Variants in KIAA0930 observed in about 807,000 individuals in gnomAD.
KIAA0930 encodes the protein uncharacterized protein KIAA0930.
Under a neutral mutation model 43.9 loss-of-function variants are expected in KIAA0930, and 24 were observed. The observed-to-expected ratio is 0.55, with a 90% CI of 0.40 to 0.77. The LOEUF is 0.77. Ranked by LOEUF, KIAA0930 falls within the 30% of genes least tolerant of loss-of-function variation. KIAA0930 has a pLI of 0.00. For missense variants in KIAA0930, 461 were observed against 574.2 expected (o/e 0.80, Z 2.02); for synonymous variants, 259 against 216.4 (o/e 1.20, Z -1.73).
At chr22:45,224,941 G>C (rs777370482) in intron 1 of KIAA0930, among the ~76,000 whole-genome samples, 9 of 152,040 alleles carry the variant, frequency 5.9e-5, no homozygotes, top group Admixed American at 1.3e-4. Context: ...CTGAGAAGGC[G>C]TCTGCCGTGG....
At chr22:45,209,515 A>G (rs2083673480) in intron 2 of KIAA0930, among the ~76,000 whole-genome samples, 1 of 151,932 alleles carries the variant, frequency 6.6e-6, no homozygotes, top group Non-Finnish European at 1.5e-5. Flanking sequence ...CCCACTCTGC[A>G]CTCACTGGTC....
At chr22:45,199,627 C>G (rs2083568800) in intron 8 of KIAA0930, among the ~76,000 whole-genome samples, 1 of 152,228 alleles carries the variant, frequency 6.6e-6, no homozygotes, top group African/African-American at 2.4e-5. Context: ...TGCTGCACAT[C>G]TGCGCTCCAA....
intron 1 of KIAA0930, among the ~76,000 whole-genome samples, chr22:45,233,889 C>T (rs2083869819): frequency 6.6e-6 from 1 of 152,228 alleles, no homozygotes; most frequent in Non-Finnish European, 1.5e-5. Context: ...TAGCCCAGCA[C>T]CGCATGCAGG....
At position 45,234,969 on chromosome 22, in the gene KIAA0930, T is replaced by C. The variant is rs374353726; in HGVS notation, c.64+5671A>G. ...ATTGGAACTAGGCATAATTGTTTCC[T>C]ATTTTCTAGTTTCCGTAATGTGCAT... On this transcript the variant is annotated intron_variant, in intron 1 of 9. Transcript: ENST00000336156. Among the ~76,000 whole-genome samples, 5 of 151,776 alleles carry C rather than the reference T, an allele frequency of 3.3e-5. No homozygotes were observed. The East Asian group carries it at 5.8e-4, about 18-fold the overall frequency.
At chr22:45,237,649 T>C (rs116872403) in intron 1 of KIAA0930, among the ~76,000 whole-genome samples, 1,873 of 152,310 alleles carry the variant, frequency 0.012, 51 homozygotes, top group South Asian at 0.082. Context: ...ACCCAAGCTT[T>C]TGCTAAACAA....
At chr22:45,198,034 G>A (rs1229079524) in intron 8 of KIAA0930, 86 bp from the exon 9 acceptor site, 1 of 1,384,166 alleles carries the variant, frequency 7.2e-7, no homozygotes, top group Non-Finnish European at 1.0e-6. Context: ...CCAGGCTGAG[G>A]CCAAACTCTG....
chr22:45,212,588 C>T, intron 1 of KIAA0930: 6 of 1,371,776 alleles, frequency 4.4e-6, no homozygotes, highest in Non-Finnish European at 5.6e-6. Flanking sequence ...GACAGCCGCC[C>T]TCCAGCCAGC....
In KIAA0930 at chr22:45,203,998, AC is replaced by A. The variant is rs1192442954; in HGVS notation, c.517-14del. ...TGTCGCTGAACACCTGGGCCAGGACACAAAGAGACAGGGACGTGACCATCAG... is the reference window on the plus strand; with the variant it reads ...TGTCGCTGAACACCTGGGCCAGGACAAAAGAGACAGGGACGTGACCATCAG... On this transcript the variant is annotated splice_polypyrimidine_tract_variant and intron_variant, in intron 5 of 9. Transcript: ENST00000336156. 1 of 1,613,618 alleles carries A rather than the reference AC, an allele frequency of 6.2e-7. No individual in the cohort carries two copies. Among genetic ancestry groups the A allele is most frequent in the Non-Finnish European group, 8.5e-7 (1 of 1,179,738 alleles).
intron 1 of KIAA0930, among the ~76,000 whole-genome samples, chr22:45,228,262 C>A (rs1227479739): frequency 6.6e-6 from 1 of 152,172 alleles, no homozygotes; most frequent in African/African-American, 2.4e-5. Flanking sequence ...CTGGTCCTGC[C>A]TACCCACAGT....
chr22:45,203,079 C>G lies in KIAA0930; in HGVS notation c.763G>C (p.Glu255Gln), dbSNP rs1438318375. The G allele has an allele frequency of 1.9e-6, 3 of 1,613,736 alleles. No individual in the cohort carries two copies. The highest frequency in any genetic ancestry group is 2.5e-6 in the Non-Finnish European group (3 of 1,179,920). ...MKGPQGKGHA[E>Q]MAVSRVSTGD... ...GTAGACACTCGGCTGACCGCCATCTCGGCGTGGCCCTTGCCCTGGGGGCCC... is the reference window on the plus strand; with the variant it reads ...GTAGACACTCGGCTGACCGCCATCTGGGCGTGGCCCTTGCCCTGGGGGCCC... The change falls in exon 7 of 10, where the codon GAG becomes CAG. Residue 255 changes from glutamate (E) to glutamine (Q), a missense_variant. Glu to Gln is a conservative substitution (Grantham distance 29, BLOSUM62 2). Transcript: ENST00000336156.
At chr22:45,227,890 A>G (rs1188225185) in intron 1 of KIAA0930, among the ~76,000 whole-genome samples, 6 of 152,216 alleles carry the variant, frequency 3.9e-5, no homozygotes, top group Non-Finnish European at 2.9e-5. Flanking sequence ...GGAGCTGAGC[A>G]GCAGCTAACG....
At position 45,194,160 on chromosome 22, in the gene KIAA0930, T is replaced by TGCCTACTA. The variant is rs2083515992; in HGVS notation, c.*3008_*3015dup. On this transcript the variant is annotated 3_prime_UTR_variant, in exon 10 of 10. Coordinates refer to ENST00000336156, the MANE Select transcript of KIAA0930 (RefSeq NM_001009880.2). Reference sequence around the variant, plus strand: ...CGTGATCTCGGCTCACTGCAACCTCTGCCTACTAGGTTCAAGTGATTCTCC... The same window carrying TGCCTACTA: ...CGTGATCTCGGCTCACTGCAACCTCTGCCTACTAGCCTACTAGGTTCAAGTGATTCTCC... 1.4e-5 allele frequency: 2 copies of TGCCTACTA among 142,240 alleles called. No individual in the cohort carries two copies. The highest frequency in any genetic ancestry group is 4.9e-4 in the South Asian group (2 of 4,078). The allele number at this position is 142,240 out of a possible 1,614,324, so 8.8% of individuals were successfully genotyped here.
At chr22:45,216,994 T>C (rs746232245) in intron 1 of KIAA0930, among the ~76,000 whole-genome samples, 2 of 152,224 alleles carry the variant, frequency 1.3e-5, no homozygotes, top group Admixed American at 1.3e-4. Context: ...AATACAAGGT[T>C]AGGGTCCTCT....
chr22:45,209,649 G>A (rs2083675172), intron 2 of KIAA0930, among the ~76,000 whole-genome samples: 1 of 152,140 alleles, frequency 6.6e-6, no homozygotes, highest in Non-Finnish European at 1.5e-5. Context: ...CACCATCACA[G>A]CACTGATGGC....
In KIAA0930 at chr22:45,203,008, A is replaced by G. The variant is rs1450383104; in HGVS notation, c.834T>C (p.Ala278=). The G allele has an allele frequency of 5.0e-6, 8 of 1,610,434 alleles. No homozygotes were observed. Among genetic ancestry groups the G allele is most frequent in the African/African-American group, 1.3e-5 (1 of 74,860 alleles). The change falls in exon 7 of 10, where the codon GCT becomes GCC. Residue 278 remains alanine (A), a synonymous_variant. Transcript: ENST00000336156. ...CCCTTACCCGCTCGTGCATGGGCGAAGCTGGGCTGGAGTCCTCTTCAGTCC... is the reference window on the plus strand; with the variant it reads ...CCCTTACCCGCTCGTGCATGGGCGAGGCTGGGCTGGAGTCCTCTTCAGTCC... The part of the protein sequence containing the change: ...PCGTEEDSSP[A]SPMHERVTSF...
At chr22:45,210,409 G>C (rs1292940002) in intron 2 of KIAA0930, among the ~76,000 whole-genome samples, 1 of 152,146 alleles carries the variant, frequency 6.6e-6, no homozygotes, top group Non-Finnish European at 1.5e-5. Flanking sequence ...GTCACGGGCA[G>C]TGAGGATCCT....
intron 1 of KIAA0930, among the ~76,000 whole-genome samples, chr22:45,219,490 A>G (rs1444467005): frequency 1.3e-5 from 2 of 152,012 alleles, no homozygotes; most frequent in Non-Finnish European, 2.9e-5. Context: ...GTTTATAGCC[A>G]TTAAAAATGA....
intron 4 of KIAA0930, 51 bp from the exon 5 acceptor site, chr22:45,205,369 G>T (rs751504512): frequency 4.6e-6 from 7 of 1,515,626 alleles, no homozygotes; most frequent in Non-Finnish European, 6.4e-6. Context: ...CGGCACACAG[G>T]CCCAGAGCCA....
chr22:45,196,129 T>A lies in KIAA0930; in HGVS notation c.*1047A>T, dbSNP rs1484066999. ...ATCCTTGCAGATGGAAACGCCTTCA[T>A]GCTGGACCAGGCCGAGGGCAGGCCT... On this transcript the variant is annotated 3_prime_UTR_variant, in exon 10 of 10. Coordinates refer to ENST00000336156, the MANE Select transcript of KIAA0930 (RefSeq NM_001009880.2). The surrounding 1 kb of genome is among the most constrained non-coding windows in gnomAD (Gnocchi z 4.1). The A allele has an allele frequency of 6.6e-6, 1 of 152,260 alleles. No homozygotes were observed. The highest frequency in any genetic ancestry group is 2.4e-5 in the African/African-American group (1 of 41,452). 9.4% of individuals were successfully genotyped at this position (152,260 alleles called of 1,614,324 possible). A position where few individuals can be genotyped will look rare whatever the true frequency, so the allele number is the denominator to read the frequency against.
Sources: gnomAD v4.1 joint callset for allele counts (sites outside exome capture counted in the v4.1 genomes callset) on GRCh38, gnomAD v4.1.1 for gene constraint, Gnocchi (gnomAD v3.1) non-coding constraint, MANE v1.5 for transcripts, NCBI Gene and HGNC (gene_info 2026-07-23, HGNC 2026-07-21) for gene names.